EPB41L4A: variants seen among roughly 807,000 people sequenced by gnomAD.
EPB41L4A encodes the protein band 4.1-like protein 4A.
EPB41L4A carries 100 observed loss-of-function variants against 108.6 expected under a neutral mutation model. That is an observed-to-expected ratio of 0.92 (90% CI 0.78 to 1.09). The LOEUF (loss-of-function observed/expected upper bound fraction) is 1.09, where lower values mean the gene tolerates loss of function less well. EPB41L4A is among the 50% of genes least tolerant of loss of function. The pLI is 0.00. For synonymous variants in EPB41L4A, 319 were observed against 289.0 expected (o/e 1.10, Z -1.05); for missense variants, 1,030 against 842.7 (o/e 1.22, Z -2.75).
chr5:112,157,447 C>A (rs749887847), intron 12 of EPB41L4A, among the ~76,000 whole-genome samples: 32 of 152,072 alleles, frequency 2.1e-4, no homozygotes, highest in Non-Finnish European at 4.1e-4. Context: ...GCTACCATAA[C>A]AAATTAACAC....
chr5:112,298,060 T>C (rs7715378), intron 2 of EPB41L4A, among the ~76,000 whole-genome samples: 83,089 of 151,988 alleles, frequency 0.55, 24,472 homozygotes, highest in African/African-American at 0.78. Flanking sequence ...TCAGGTAATA[T>C]GATGCCTCCA....
chr5:112,171,103 CAGA>C, intron 18 of EPB41L4A, 111 bp from the exon 19 acceptor site: 1 of 955,150 alleles, frequency 1.0e-6, no homozygotes, highest in South Asian at 1.5e-5. Flanking sequence ...CAGCTGAGAA[CAGA>C]CAAGGAAAGA....
chr5:112,407,021 G>A (rs1012313671), intron 1 of EPB41L4A, among the ~76,000 whole-genome samples: 7 of 152,058 alleles, frequency 4.6e-5, no homozygotes, highest in African/African-American at 1.4e-4. Context: ...ATTAACTGAG[G>A]ATATGGGACT....
chr5:112,205,424 T>C lies in EPB41L4A; in HGVS notation c.1259A>G (p.Gln420Arg). The C allele has an allele frequency of 3.7e-6, 6 of 1,612,960 alleles. No individual in the cohort carries two copies. Among genetic ancestry groups the C allele is most frequent in the Non-Finnish European group, 5.1e-6 (6 of 1,178,942 alleles). ...SHAPWEENGPQSGLYNSPSDR... is the reference protein window; with the variant it reads ...SHAPWEENGPRSGLYNSPSDR... ...TAAAAACAATGATTCCCTTTACCTC[T>C]GGGGGCCATTTTCTTCCCACGGTGC... The change falls in exon 14 of 23, where the codon CAG (glutamine) becomes CGG (arginine). Residue 420 changes from glutamine to arginine, a missense_variant. Transcript: ENST00000261486.
At chr5:112,188,529 T>C (rs978282178) in intron 17 of EPB41L4A, among the ~76,000 whole-genome samples, 19 of 152,184 alleles carry the variant, frequency 1.2e-4, no homozygotes, top group African/African-American at 4.6e-4. Flanking sequence ...GCTTTGTCCT[T>C]CCACAGTCAT....
At chr5:112,213,509 C>T (rs564553661) in intron 12 of EPB41L4A, among the ~76,000 whole-genome samples, 3 of 152,096 alleles carry the variant, frequency 2.0e-5, no homozygotes, top group East Asian at 1.9e-4. Flanking sequence ...CCACCACGCC[C>T]GGCTAATTTT....
intron 12 of EPB41L4A, among the ~76,000 whole-genome samples, chr5:112,148,677 GTTTT>G (rs1219098751): frequency 6.6e-6 from 1 of 151,894 alleles, no homozygotes; most frequent in Non-Finnish European, 1.5e-5. Context: ...TGTTTAGTAA[GTTTT>G]TTTTACAATA....
At chr5:112,210,245 A>G (rs1167717372) in intron 12 of EPB41L4A, 2 of 274,858 alleles carry the variant, frequency 7.3e-6, no homozygotes, top group African/African-American at 4.4e-5. Flanking sequence ...ACATCTTTAG[A>G]TGTTAAAATA....
intron 18 of EPB41L4A, among the ~76,000 whole-genome samples, chr5:112,180,810 C>A (rs1312410533): frequency 6.6e-6 from 1 of 152,108 alleles, no homozygotes; most frequent in Non-Finnish European, 1.5e-5. Flanking sequence ...ACGTGCATAT[C>A]TGAAATTGAA....
At chr5:112,237,570 G>A (rs948667758) in intron 11 of EPB41L4A, among the ~76,000 whole-genome samples, 1 of 152,096 alleles carries the variant, frequency 6.6e-6, no homozygotes, top group Admixed American at 6.5e-5. Context: ...CTGTTAAGCT[G>A]TTCTTTATAC....
At chr5:112,419,694 C>T, upstream of EPB41L4A, 1 of 456,728 alleles carries the variant, frequency 2.2e-6, no homozygotes, top group African/African-American at 2.0e-5. Flanking sequence ...CGTCCGCTAC[C>T]CCGTCCCCCA....
chr5:112,184,116 T>C lies in EPB41L4A; in HGVS notation c.1522A>G (p.Met508Val), dbSNP rs752017195. ...KRNRIRQEND[M>V]VDSAPQWEAV... ...TCCCACTGAGGCGCTGAATCAACCA[T>C]ATCATTCTCCTGCCGTATTCTGAAA... Residue 508 changes from methionine (M) to valine (V), a missense_variant, in exon 18 of 23, where the codon ATG becomes GTG. Coordinates refer to ENST00000261486, the MANE Select transcript of EPB41L4A (RefSeq NM_022140.5). 3 of 1,613,926 alleles carry C rather than the reference T, an allele frequency of 1.9e-6. No homozygotes were observed. The highest frequency in any genetic ancestry group is 1.6e-4 in the Middle Eastern group (1 of 6,062).
intron 4 of EPB41L4A, among the ~76,000 whole-genome samples, chr5:112,270,887 G>A (rs1258721770): frequency 6.6e-6 from 1 of 152,184 alleles, no homozygotes; most frequent in East Asian, 1.9e-4. Flanking sequence ...TCGAACACCT[G>A]TTTTGAGACT....
intron 1 of EPB41L4A, among the ~76,000 whole-genome samples, chr5:112,336,265 T>C (rs978979077): frequency 1.3e-5 from 2 of 152,180 alleles, no homozygotes; most frequent in African/African-American, 2.4e-5. Flanking sequence ...GCAGTGGAAA[T>C]TGAACCTGCA....
chr5:112,233,897 T>C (rs1749138495), intron 12 of EPB41L4A, among the ~76,000 whole-genome samples: 1 of 152,138 alleles, frequency 6.6e-6, no homozygotes, highest in Non-Finnish European at 1.5e-5. Context: ...GGCATGATCA[T>C]AGCTCACTGT....
At chr5:112,181,607 A>G (rs923135770) in intron 18 of EPB41L4A, among the ~76,000 whole-genome samples, 3 of 152,228 alleles carry the variant, frequency 2.0e-5, no homozygotes, top group African/African-American at 7.2e-5. Context: ...GCTGTCCATC[A>G]AGAAGAGAAT....
chr5:112,342,280 C>T (rs1757366755), intron 1 of EPB41L4A, among the ~76,000 whole-genome samples: 2 of 152,344 alleles, frequency 1.3e-5, no homozygotes, highest in South Asian at 4.1e-4. Context: ...ATTTCCATTC[C>T]TGTCCTGTCT....
rs370804576 is a variant in EPB41L4A, at chr5:112,344,696, G to A, written c.100-37206C>T. Reference sequence around the variant, plus strand: ...GGGAGAAGAAATTCTGCCTGTGTCCGCAGCTCAACTCCTGTCCAGGAGTCC... The same window carrying A: ...GGGAGAAGAAATTCTGCCTGTGTCCACAGCTCAACTCCTGTCCAGGAGTCC... On this transcript the variant is annotated intron_variant, in intron 1 of 22. Transcript: ENST00000261486. Among the ~76,000 whole-genome samples the A allele has an allele frequency of 7.9e-5, 12 of 152,326 alleles. No homozygotes were observed. In the East Asian group the frequency reaches 1.2e-3, roughly 15 times the overall value.
chr5:112,188,149 A>G (rs372699099), intron 17 of EPB41L4A, among the ~76,000 whole-genome samples: 1 of 152,126 alleles, frequency 6.6e-6, no homozygotes, highest in East Asian at 1.9e-4. Flanking sequence ...GCAGGCCCCA[A>G]CTGATTGTGA....
Sources: allele counts gnomAD v4.1 joint callset (sites outside exome capture counted in the v4.1 genomes callset), GRCh38; gene constraint gnomAD v4.1.1; transcripts MANE v1.5; gene names NCBI Gene and HGNC (gene_info 2026-07-23, HGNC 2026-07-21).